Variants in TLE4 observed in about 807,000 individuals in gnomAD.
TLE4 encodes the protein TLE family member 4, transcriptional corepressor.
TLE4 carries 8 observed loss-of-function variants against 92.8 expected under a neutral mutation model. That is an observed-to-expected ratio of 0.09 (90% confidence interval 0.05 to 0.16). The LOEUF is 0.16. Ranked by LOEUF, TLE4 falls within the 10% of genes least tolerant of loss-of-function variation. The probability of loss-of-function intolerance (pLI) is 1.00; values close to 1 mark genes in which losing one functional copy is unlikely to be tolerated. For synonymous variants in TLE4, 371 were observed against 374.1 expected (o/e 0.99, Z 0.10); for missense variants, 675 against 997.6 (o/e 0.68, Z 4.36).
intron 4 of TLE4, among the ~76,000 whole-genome samples, chr9:79,597,344 T>A (rs140951591): frequency 6.6e-6 from 1 of 152,214 alleles, no homozygotes; most frequent in Non-Finnish European, 1.5e-5. Flanking sequence ...TTGGGTCATT[T>A]TTTAGGGTCC....
intron 4 of TLE4, among the ~76,000 whole-genome samples, chr9:79,578,116 A>G (rs1033919499): frequency 6.6e-6 from 1 of 152,090 alleles, no homozygotes; most frequent in African/African-American, 2.4e-5. Flanking sequence ...GCATAGAGGC[A>G]TATCTGTCTT....
intron 8 of TLE4, among the ~76,000 whole-genome samples, chr9:79,684,135 A>G (rs1234149154): frequency 6.6e-6 from 1 of 152,198 alleles, no homozygotes; most frequent in African/African-American, 2.4e-5. Flanking sequence ...TTAGTTAACA[A>G]TTACTACCTA....
chr9:79,589,317 G>GT (rs747050012), intron 4 of TLE4, among the ~76,000 whole-genome samples: 5 of 152,078 alleles, frequency 3.3e-5, no homozygotes, highest in Non-Finnish European at 5.9e-5. Context: ...ACCTTTTCAG[G>GT]TTTTTTCCTC....
At position 79,706,813 on chromosome 9, in the gene TLE4, C is replaced by G. The variant is rs755846584; in HGVS notation, c.850C>G (p.Leu284Val). The G allele has an allele frequency of 9.3e-6, 15 of 1,614,066 alleles. No individual in the cohort carries two copies. The highest frequency in any genetic ancestry group is 3.3e-5 in the South Asian group (3 of 91,086). The change falls in exon 11 of 20, where the codon CTG (leucine) becomes GTG (valine). Residue 284 changes from leucine (L) to valine (V), a missense_variant. Transcript: ENST00000376552. ...PRENGLDKTR[L>V]LKKDAPISPA... ...AGAGAATGGCCTAGACAAGACACGC[C>G]TGCTCAAGAAAGATGCCCCGATTAG...
chr9:79,707,799 C>G (rs1478301052), intron 11 of TLE4, among the ~76,000 whole-genome samples: 2 of 152,182 alleles, frequency 1.3e-5, no homozygotes, highest in African/African-American at 4.8e-5. Flanking sequence ...TTACCCCAGT[C>G]TTTACCAAAG....
chr9:79,719,311 G>C (rs1424059058), intron 15 of TLE4, among the ~76,000 whole-genome samples: 2 of 151,892 alleles, frequency 1.3e-5, no homozygotes, highest in African/African-American at 4.8e-5. Flanking sequence ...CACATGTAAA[G>C]AGTAACTTAC....
intron 8 of TLE4, among the ~76,000 whole-genome samples, chr9:79,679,049 C>G (rs1368211484): frequency 6.6e-6 from 1 of 151,852 alleles, no homozygotes; most frequent in Non-Finnish European, 1.5e-5. Context: ...GGTTCCAAGT[C>G]TTTGCTATTG....
intron 4 of TLE4, among the ~76,000 whole-genome samples, chr9:79,582,650 T>C (rs1293009920): frequency 6.6e-6 from 1 of 151,120 alleles, no homozygotes; most frequent in Admixed American, 6.6e-5. Context: ...TTTTTTTTTT[T>C]TTTTTTGCCT....
intron 8 of TLE4, among the ~76,000 whole-genome samples, 155 bp downstream of exon 8, chr9:79,654,230 AT>A (rs35639126): frequency 0.071 from 9,283 of 131,158 alleles, 382 homozygotes; most frequent in East Asian, 0.14. Context: ...TGTGTGGTTG[AT>A]TTTTTTTTTT....
chr9:79,700,695 C>T (rs752897489), intron 8 of TLE4, among the ~76,000 whole-genome samples: 1 of 152,118 alleles, frequency 6.6e-6, no homozygotes, highest in Non-Finnish European at 1.5e-5. Flanking sequence ...AACAGATCTA[C>T]CCTGTTCTTT....
At position 79,588,203 on chromosome 9, in the gene TLE4, G is replaced by A. The variant is rs551473779; in HGVS notation, c.252+12026G>A. Among the ~76,000 whole-genome samples the A allele has an allele frequency of 7.7e-4, 117 of 151,116 alleles. 1 individual carries two copies. Among genetic ancestry groups the A allele is most frequent in the Middle Eastern group, 3.4e-3 (1 of 292 alleles). Reference sequence around the variant, plus strand: ...TCGCCCTGTTGCCAGGCTGGAGTGCGGTGGCGTGATCTCGGCTCATTGTGA... The same window carrying A: ...TCGCCCTGTTGCCAGGCTGGAGTGCAGTGGCGTGATCTCGGCTCATTGTGA... On this transcript the variant is annotated intron_variant, in intron 4 of 19. Coordinates refer to ENST00000376552, the MANE Select transcript of TLE4 (RefSeq NM_007005.6).
intron 5 of TLE4, among the ~76,000 whole-genome samples, chr9:79,619,016 C>T (rs2050324833): frequency 6.6e-6 from 1 of 152,124 alleles, no homozygotes; most frequent in Non-Finnish European, 1.5e-5. Context: ...CTTTCTGGTG[C>T]AAATTTAATT....
At chr9:79,697,420 G>T (rs556678972) in intron 8 of TLE4, among the ~76,000 whole-genome samples, 1 of 152,202 alleles carries the variant, frequency 6.6e-6, no homozygotes, top group Non-Finnish European at 1.5e-5. Flanking sequence ...GGTTGTACTT[G>T]TTCCAACTCA....
At chr9:79,578,983 G>A (rs1384560696) in intron 4 of TLE4, among the ~76,000 whole-genome samples, 2 of 151,838 alleles carry the variant, frequency 1.3e-5, no homozygotes, top group Non-Finnish European at 2.9e-5. Flanking sequence ...GCTATAATGG[G>A]AATTAATGCT....
At chr9:79,680,670 A>T (rs979862541) in intron 8 of TLE4, among the ~76,000 whole-genome samples, 5 of 152,180 alleles carry the variant, frequency 3.3e-5, no homozygotes, top group Admixed American at 1.3e-4. Flanking sequence ...TATGTTGACT[A>T]GGAGTGGTGA....
At chr9:79,685,403 C>T (rs1417501113) in intron 8 of TLE4, among the ~76,000 whole-genome samples, 1 of 152,022 alleles carries the variant, frequency 6.6e-6, no homozygotes, top group African/African-American at 2.4e-5. Context: ...TTTAAAAACC[C>T]CTCACATGAT....
chr9:79,611,605 G>A (rs1248646673), intron 4 of TLE4, among the ~76,000 whole-genome samples: 4 of 151,908 alleles, frequency 2.6e-5, no homozygotes, highest in Non-Finnish European at 5.9e-5. Flanking sequence ...GAATGTCTTA[G>A]GGATAGTAAT....
In TLE4 at chr9:79,672,263, A is replaced by C. The variant is rs192725260; in HGVS notation, c.609+18188A>C. ...GGAAAGTAAGATACACACTGGGCAT[A>C]AGATGGTGTTTGCCCTCATGGGAAG... On this transcript the variant is annotated intron_variant, in intron 8 of 19. Transcript: ENST00000376552. Among the ~76,000 whole-genome samples the C allele has an allele frequency of 3.1e-3, 473 of 152,196 alleles. 2 individuals carry two copies. The highest frequency in any genetic ancestry group is 0.011 in the African/African-American group (442 of 41,518).
Position 79,588,694 on chromosome 9 carries a change from T to A in TLE4, c.252+12517T>A, listed in dbSNP as rs966010998. Among the ~76,000 whole-genome samples the A allele has an allele frequency of 5.3e-5, 8 of 152,324 alleles. No homozygotes were observed. In the East Asian group the frequency reaches 1.4e-3, roughly 26 times the overall value. On this transcript the variant is annotated intron_variant, in intron 4 of 19. Transcript: ENST00000376552. ...GACTGTGAGATTTCTAAAACAGGCA[T>A]GGCACCTTCTTTTATAACCACGTGT...
Sources: allele counts gnomAD v4.1 joint callset (sites outside exome capture counted in the v4.1 genomes callset), GRCh38; gene constraint gnomAD v4.1.1; transcripts MANE v1.5; gene names NCBI Gene and HGNC (gene_info 2026-07-23, HGNC 2026-07-21).